TLN2: variants seen among roughly 807,000 people sequenced by gnomAD.
TLN2 encodes the protein talin-2.
Under a neutral mutation model 294.7 loss-of-function variants are expected in TLN2, and 118 were observed. The observed-to-expected ratio is 0.40, with a 90% CI of 0.34 to 0.47. The LOEUF (loss-of-function observed/expected upper bound fraction) is 0.47, where lower values mean the gene tolerates loss of function less well. Ranked by LOEUF, TLN2 falls within the 20% of genes least tolerant of loss-of-function variation. The pLI, the probability that TLN2 is intolerant of heterozygous loss-of-function variation, is 0.84. For missense variants in TLN2, 3,083 were observed against 3,282.2 expected, an observed-to-expected ratio of 0.94 and a Z score of 1.48; for synonymous variants, 1,431 against 1,304.5, an observed-to-expected ratio of 1.10 and a Z score of -2.09.
intron 3 of TLN2, among the ~76,000 whole-genome samples, chr15:62,619,868 A>AT (rs888608337): frequency 1.8e-4 from 27 of 152,144 alleles, no homozygotes; most frequent in East Asian, 1.2e-3. Context: ...GTTTGTGGTC[A>AT]TTTTTTTTAG....
In TLN2 at chr15:62,713,099, C is replaced by T. The variant is rs527441161; in HGVS notation, c.2634+1022C>T. On this transcript the variant is annotated intron_variant, in intron 22 of 58. Transcript: ENST00000636159. Reference sequence around the variant, plus strand: ...CCTGGCCAACATGGTGAAACCCTGTCTCTAATAAAAACACAAAAAATTAAC... The same window carrying T: ...CCTGGCCAACATGGTGAAACCCTGTTTCTAATAAAAACACAAAAAATTAAC... Among the ~76,000 whole-genome samples, 44 of 151,804 alleles carry T rather than the reference C, an allele frequency of 2.9e-4. No homozygotes were observed. The South Asian group carries it at 3.8e-3, about 13-fold the overall frequency.
chr15:62,677,313 T>C (rs2056324601), intron 11 of TLN2, among the ~76,000 whole-genome samples: 1 of 152,226 alleles, frequency 6.6e-6, no homozygotes, highest in Non-Finnish European at 1.5e-5. Flanking sequence ...CCTTTGAGTA[T>C]TAAATTCATC....
Position 62,766,309 on chromosome 15 carries a change from T to A in TLN2, c.5095-12T>A, listed in dbSNP as rs1206634749. The stretch of plus-strand genomic sequence containing the variant: ...TGTTATGGGATGAACTTGACACTTC[T>A]CTCCTTATCAGGCCCTGCAGGAGCA... On this transcript the variant is annotated splice_polypyrimidine_tract_variant and intron_variant, in intron 40 of 58. Coordinates refer to ENST00000636159, the MANE Select transcript of TLN2 (RefSeq NM_015059.3). The A allele has an allele frequency of 3.1e-6, 5 of 1,607,542 alleles. No individual in the cohort carries two copies. In the East Asian group the frequency reaches 9.0e-5, roughly 29 times the overall value.
In TLN2 at chr15:62,717,599, G is replaced by A. The variant is rs748349240; in HGVS notation, c.2787G>A (p.Ala929=). ...RLEVAAKQAA[A]AATQTIAASQ... Reference sequence around the variant, plus strand: ...AGGTTGCAGCCAAGCAGGCCGCAGCGGCAGCCACACAGACCATCGCCGCCT... The same window carrying A: ...AGGTTGCAGCCAAGCAGGCCGCAGCAGCAGCCACACAGACCATCGCCGCCT... Residue 929 remains alanine, a synonymous_variant, in exon 24 of 59, where the codon GCG becomes GCA. Transcript: ENST00000636159. The A allele has an allele frequency of 8.2e-6, 13 of 1,587,476 alleles. No individual in the cohort carries two copies. The Admixed American group carries it at 1.1e-4, about 14-fold the overall frequency.
At chr15:62,584,741 C>T (rs1249426292) in intron 1 of TLN2, among the ~76,000 whole-genome samples, 2 of 152,202 alleles carry the variant, frequency 1.3e-5, no homozygotes, top group Non-Finnish European at 1.5e-5. Flanking sequence ...AATTGTTCCT[C>T]GGCTTCTCCC....
At chr15:62,840,414 G>C in intron 58 of TLN2, 68 bp from the exon 59 acceptor site, 1 of 1,591,106 alleles carries the variant, frequency 6.3e-7, no homozygotes, top group Non-Finnish European at 8.6e-7. Flanking sequence ...GCTCACATGA[G>C]CAGTGGGGTG....
chr15:62,752,352 A>C lies in TLN2; in HGVS notation c.4257A>C (p.Gly1419=), dbSNP rs764663625. ...GGATTTCACAGAATGCCAAGACCGG[A>C]GACCTCCCTGCCTTTGGGGAATGTG... ...MAGISQNAKT[G]DLPAFGECVG... Residue 1419 remains glycine (G), a synonymous_variant, in exon 35 of 59, where the codon GGA becomes GGC. Coordinates refer to ENST00000636159, the MANE Select transcript of TLN2 (RefSeq NM_015059.3). The C allele has an allele frequency of 6.2e-7, 1 of 1,614,104 alleles. No homozygotes were observed. The highest frequency in any genetic ancestry group is 1.1e-5 in the South Asian group (1 of 91,068).
intron 1 of TLN2, among the ~76,000 whole-genome samples, chr15:62,451,810 G>C (rs1347067000): frequency 6.6e-6 from 1 of 152,158 alleles, no homozygotes; most frequent in Admixed American, 6.5e-5. Flanking sequence ...CTTTGACTCT[G>C]TTTTCTCTTT....
chr15:62,810,117 A>G, intron 52 of TLN2, 85 bp downstream of exon 52: 1 of 1,155,710 alleles, frequency 8.7e-7, no homozygotes, highest in Non-Finnish European at 1.3e-6. Context: ...TTCCTTGGGA[A>G]GACCTCTCTC....
intron 3 of TLN2, among the ~76,000 whole-genome samples, chr15:62,619,509 G>A (rs572935092): frequency 3.3e-5 from 5 of 152,360 alleles, no homozygotes; most frequent in Non-Finnish European, 7.3e-5. Context: ...GTTGAATAGT[G>A]TGACCCACCT....
intron 9 of TLN2, among the ~76,000 whole-genome samples, chr15:62,665,011 TATATACTTTATAAGGC>T (rs1234519444): frequency 2.0e-5 from 3 of 151,284 alleles, no homozygotes; most frequent in African/African-American, 7.3e-5. Flanking sequence ...TGGTGGTAGG[TATATACTTTATAAGGC>T]ATATACTTTT....
At chr15:62,691,393 T>A (rs2057898881) in intron 12 of TLN2, among the ~76,000 whole-genome samples, 2 of 152,218 alleles carry the variant, frequency 1.3e-5, no homozygotes, top group South Asian at 4.1e-4. Context: ...CCTGTGAGTT[T>A]TAAAATTTTG....
chr15:62,776,909 A>G lies in TLN2; in HGVS notation c.5513A>G (p.Lys1838Arg). The change falls in exon 43 of 59, where the codon AAG (lysine) becomes AGG (arginine). Residue 1838 changes from lysine (K) to arginine (R), a missense_variant and splice_region_variant. Transcript: ENST00000636159. ...MVDAIAEAMS[K>R]LDEGTPPEPK... Reference sequence around the variant, plus strand: ...GACGCCATTGCAGAAGCCATGAGCAAGGTGGGCATGGGCTCTAGGGCTCTC... The same window carrying G: ...GACGCCATTGCAGAAGCCATGAGCAGGGTGGGCATGGGCTCTAGGGCTCTC... The G allele has an allele frequency of 6.4e-7, 1 of 1,569,842 alleles. No individual in the cohort carries two copies. The highest frequency in any genetic ancestry group is 8.6e-7 in the Non-Finnish European group (1 of 1,156,572).
chr15:62,500,775 T>C (rs1025226456), intron 1 of TLN2, among the ~76,000 whole-genome samples: 4 of 152,246 alleles, frequency 2.6e-5, no homozygotes, highest in Non-Finnish European at 2.9e-5. Context: ...AAAGGAATTT[T>C]TGCCTCAATT....
At chr15:62,411,896 T>C (rs1234039772) in intron 1 of TLN2, among the ~76,000 whole-genome samples, 1 of 152,196 alleles carries the variant, frequency 6.6e-6, no homozygotes, top group East Asian at 1.9e-4. Context: ...GTGGGAACTT[T>C]AGAAGAGGGA....
At chr15:62,733,674 A>T (rs149501569) in intron 28 of TLN2, among the ~76,000 whole-genome samples, 121 of 152,360 alleles carry the variant, frequency 7.9e-4, no homozygotes, top group African/African-American at 2.8e-3. Flanking sequence ...AGCAACCATT[A>T]TGTAGAATGC....
chr15:62,542,254 G>C (rs1048044729), intron 1 of TLN2, among the ~76,000 whole-genome samples: 6 of 151,970 alleles, frequency 3.9e-5, no homozygotes, highest in African/African-American at 1.2e-4. Context: ...TGCAGTGGCA[G>C]GATCTCGGCT....
At chr15:62,657,168 A>T (rs4296208) in intron 8 of TLN2, among the ~76,000 whole-genome samples, 63,926 of 148,794 alleles carry the variant, frequency 0.43, 14,998 homozygotes, top group Middle Eastern at 0.58. Context: ...GGGGGAAGCA[A>T]CAGCAGTGAT....
intron 22 of TLN2, among the ~76,000 whole-genome samples, chr15:62,713,374 TACTTC>T (rs2059554240): frequency 6.6e-6 from 1 of 151,894 alleles, no homozygotes; most frequent in South Asian, 2.1e-4. Flanking sequence ...ATATGTGTGT[TACTTC>T]ACTTAAAATG....
Sources: gnomAD v4.1 joint callset for allele counts (sites outside exome capture counted in the v4.1 genomes callset) on GRCh38, gnomAD v4.1.1 for gene constraint, MANE v1.5 for transcripts, NCBI Gene and HGNC (gene_info 2026-07-23, HGNC 2026-07-21) for gene names.